PKD2L2: variants seen among roughly 807,000 people sequenced by gnomAD.
PKD2L2 encodes polycystin-2-like protein 2.
In PKD2L2, 67 loss-of-function variants were observed where a neutral mutation model predicts 83.9. The ratio of observed to expected loss-of-function variants is 0.80; its 90% CI spans 0.66 to 0.98. The LOEUF (loss-of-function observed/expected upper bound fraction) is 0.98. Among genes scored for constraint, PKD2L2 ranks in the 50% least tolerant of loss-of-function variants. PKD2L2 has a pLI of 0.00. For missense variants in PKD2L2, 632 were observed against 717.2 expected (o/e 0.88, Z 1.36); for synonymous variants, 223 against 237.8 (o/e 0.94, Z 0.57).
chr5:137,892,217 T>C (rs1013426344), intron 2 of PKD2L2, among the ~76,000 whole-genome samples: 3 of 152,248 alleles, frequency 2.0e-5, no homozygotes, highest in African/African-American at 4.8e-5. Flanking sequence ...GTGTGTATAA[T>C]GTGTCCTCAT....
At position 137,901,523 on chromosome 5, in the gene PKD2L2, G is replaced by A. The variant is rs80203446; in HGVS notation, c.746+1786G>A. 9.7e-3 allele frequency among the ~76,000 whole-genome samples: 1,473 copies of A among 152,260 alleles called. 28 individuals are homozygous for A. Among genetic ancestry groups the A allele is most frequent in the African/African-American group, 0.033 (1,387 of 41,544 alleles). On this transcript the variant is annotated intron_variant, in intron 5 of 14. Coordinates refer to ENST00000508883, the MANE Select transcript of PKD2L2 (RefSeq NM_001300921.2). ...TACTGTTTTGTGCAAATGAAGTCAG[G>A]TTTATTATCAGGACTACCCTTATCT...
intron 6 of PKD2L2, 102 bp downstream of exon 6, chr5:137,906,536 T>C: frequency 1.7e-6 from 1 of 601,616 alleles, no homozygotes; most frequent in Non-Finnish European, 2.9e-6. Context: ...AGGACTTATT[T>C]TGAAAGCTAC....
At chr5:137,909,009 G>A in intron 8 of PKD2L2, 63 bp downstream of exon 8, 4 of 896,072 alleles carry the variant, frequency 4.5e-6, no homozygotes, top group South Asian at 1.6e-5. Context: ...AATTGGAAAG[G>A]TCTAACCTTC....
chr5:137,940,491 T>G, intron 14 of PKD2L2: 2 of 612,412 alleles, frequency 3.3e-6, no homozygotes, highest in South Asian at 2.2e-5. Flanking sequence ...AAAAGGTTAT[T>G]GAACTAATAC....
At chr5:137,891,467 A>AG (rs1755976886) in intron 2 of PKD2L2, among the ~76,000 whole-genome samples, 1 of 151,666 alleles carries the variant, frequency 6.6e-6, no homozygotes, top group African/African-American at 2.4e-5. Context: ...CCCTGTCCCA[A>AG]GGAAAAAAAA....
At chr5:137,909,505 G>A (rs941604403) in intron 8 of PKD2L2, among the ~76,000 whole-genome samples, 1 of 144,980 alleles carries the variant, frequency 6.9e-6, no homozygotes, top group Non-Finnish European at 1.5e-5. Flanking sequence ...TGTCCCCCAT[G>A]TCTCTGTGGT....
intron 8 of PKD2L2, 116 bp from the exon 9 acceptor site, chr5:137,921,520 T>C: frequency 1.5e-6 from 1 of 662,172 alleles, no homozygotes; most frequent in Admixed American, 3.0e-5. Context: ...ATAATTAAAG[T>C]CAGAAAGCAT....
At chr5:137,899,988 A>T (rs1222891179) in intron 5 of PKD2L2, among the ~76,000 whole-genome samples, 1 of 152,256 alleles carries the variant, frequency 6.6e-6, no homozygotes, top group African/African-American at 2.4e-5. Flanking sequence ...ATGAATGCAT[A>T]AAATACCTGT....
chr5:137,927,671 C>A (rs755887305), intron 12 of PKD2L2, among the ~76,000 whole-genome samples: 3 of 152,176 alleles, frequency 2.0e-5, no homozygotes, highest in Non-Finnish European at 4.4e-5. Context: ...GATGATGGAG[C>A]ATTCGTGTTG....
At chr5:137,934,704 C>T (rs998102281) in intron 12 of PKD2L2, among the ~76,000 whole-genome samples, 3 of 152,090 alleles carry the variant, frequency 2.0e-5, no homozygotes, top group African/African-American at 4.8e-5. Context: ...CCCAGCTACT[C>T]GGGAGGCTGA....
At chr5:137,939,220 G>C (rs1053229188) in intron 14 of PKD2L2, 2 of 151,860 alleles carry the variant, frequency 1.3e-5, no homozygotes, top group Admixed American at 6.6e-5. Flanking sequence ...GATTAAAATA[G>C]GAGGGGAAAA....
chr5:137,924,009 G>A (rs534191775), intron 10 of PKD2L2, among the ~76,000 whole-genome samples: 11 of 152,164 alleles, frequency 7.2e-5, no homozygotes, highest in Middle Eastern at 3.4e-3. Context: ...CCCTTATATA[G>A]TCTATTGTCA....
rs1428327421 is a variant in PKD2L2 at position 137,907,772 on chromosome 5, T to C, written c.1006T>C (p.Tyr336His). 3.8e-6 allele frequency: 6 copies of C among 1,570,788 alleles called. No homozygotes were observed. The highest frequency in any genetic ancestry group is 2.7e-5 in the African/African-American group (2 of 73,612). ...LCFVAVSFNT[Y>H]YNVQIFLLLG... The stretch of plus-strand genomic sequence containing the variant: ...TTTTGTGGCTGTTTCCTTCAACACA[T>C]ACTATAATGTACAAATTTTTCTCTT... Residue 336 changes from tyrosine to histidine, a missense_variant, in exon 7 of 15, where the codon TAC becomes CAC. Around this residue, in one of 3 missense-constraint regions of PKD2L2, gnomAD observed 399 missense variants for 416.9 expected, o/e 0.96. Coordinates refer to ENST00000508883, the MANE Select transcript of PKD2L2 (RefSeq NM_001300921.2).
At chr5:137,930,412 C>G (rs948221339) in intron 12 of PKD2L2, among the ~76,000 whole-genome samples, 2 of 152,088 alleles carry the variant, frequency 1.3e-5, no homozygotes, top group Non-Finnish European at 2.9e-5. Flanking sequence ...GTGGCTCATG[C>G]CTGTAATCCC....
At chr5:137,907,023 T>A (rs1159625777) in intron 6 of PKD2L2, among the ~76,000 whole-genome samples, 1 of 152,154 alleles carries the variant, frequency 6.6e-6, no homozygotes. Context: ...AGACAAATGT[T>A]AAGAGTTTGG....
intron 14 of PKD2L2, among the ~76,000 whole-genome samples, chr5:137,937,489 A>C (rs1359560135): frequency 6.6e-6 from 1 of 152,178 alleles, no homozygotes; most frequent in Non-Finnish European, 1.5e-5. Context: ...AAACTCTTCT[A>C]ATTTTTCTAG....
intron 1 of PKD2L2, 200 bp from the exon 2 acceptor site, chr5:137,890,281 C>CA (rs890405684): frequency 7.1e-3 from 2,839 of 397,518 alleles, no homozygotes; most frequent in East Asian, 0.013. Context: ...GACTCCGTCT[C>CA]AAAAAAAAAA....
chr5:137,909,454 T>C (rs1278392929), intron 8 of PKD2L2, among the ~76,000 whole-genome samples: 1 of 152,138 alleles, frequency 6.6e-6, no homozygotes, highest in Non-Finnish European at 1.5e-5. Context: ...AATTTTTCAT[T>C]TTTCATTGGA....
chr5:137,916,475 C>CTTTTTT (rs1169529107), intron 8 of PKD2L2, among the ~76,000 whole-genome samples: 9 of 93,212 alleles, frequency 9.7e-5, no homozygotes, highest in Non-Finnish European at 1.0e-4. Context: ...CACTTTTCTT[C>CTTTTTT]TTTTTTTTTT....
Sources: gnomAD v4.1 joint callset for allele counts (sites outside exome capture counted in the v4.1 genomes callset) on GRCh38, gnomAD v4.1.1 for gene constraint, gnomAD v4.1.1 regional missense constraint, MANE v1.5 for transcripts, NCBI Gene and HGNC (gene_info 2026-07-23, HGNC 2026-07-21) for gene names.